Variants in IGFBP7 observed in about 807,000 individuals in gnomAD.
IGFBP7 encodes insulin-like growth factor-binding protein 7.
IGFBP7 carries 31 observed loss-of-function variants against 29.4 expected under a neutral mutation model. The observed-to-expected ratio is 1.05, with a 90% CI of 0.79 to 1.42. The LOEUF (loss-of-function observed/expected upper bound fraction) is 1.42. IGFBP7 is among the 40% of genes most tolerant of loss of function. The pLI is 0.00. For synonymous variants in IGFBP7, 172 were observed against 174.9 expected (o/e 0.98, Z 0.13); for missense variants, 393 against 395.5 (o/e 0.99, Z 0.05).
At chr4:57,049,171 C>A (rs998693080) in intron 1 of IGFBP7, among the ~76,000 whole-genome samples, 1 of 151,158 alleles carries the variant, frequency 6.6e-6, no homozygotes, top group Non-Finnish European at 1.5e-5. Flanking sequence ...AGGTATCACC[C>A]TTTACCCAGT....
intron 1 of IGFBP7, among the ~76,000 whole-genome samples, chr4:57,044,613 A>C (rs1045880072): frequency 2.0e-5 from 3 of 152,224 alleles, no homozygotes; most frequent in Non-Finnish European, 4.4e-5. Context: ...TGAAAAGACC[A>C]TCTTTTTCCT....
chr4:57,063,341 C>T (rs1312626969), intron 1 of IGFBP7, among the ~76,000 whole-genome samples: 2 of 152,180 alleles, frequency 1.3e-5, no homozygotes, highest in Admixed American at 1.3e-4. Context: ...TTGCTGCATA[C>T]CCCATTAGAT....
At chr4:57,053,953 G>A (rs1224165815) in intron 1 of IGFBP7, among the ~76,000 whole-genome samples, 1 of 152,150 alleles carries the variant, frequency 6.6e-6, no homozygotes, top group Non-Finnish European at 1.5e-5. Flanking sequence ...CCACGTGGAT[G>A]GTCACACCTG....
At chr4:57,108,016 C>T (rs1373410122) in intron 1 of IGFBP7, among the ~76,000 whole-genome samples, 1 of 152,166 alleles carries the variant, frequency 6.6e-6, no homozygotes, top group Non-Finnish European at 1.5e-5. Context: ...TATAAAGTTC[C>T]CCATTGTAAT....
Position 57,059,343 on chromosome 4 carries a change from C to T in IGFBP7, c.476-18410G>A, listed in dbSNP as rs116492175. 7.5e-3 allele frequency among the ~76,000 whole-genome samples: 1,143 copies of T among 152,216 alleles called. 18 individuals carry two copies. Among genetic ancestry groups the T allele is most frequent in the African/African-American group, 0.026 (1,083 of 41,526 alleles). On this transcript the variant is annotated intron_variant, in intron 1 of 4. Coordinates refer to ENST00000295666, the MANE Select transcript of IGFBP7 (RefSeq NM_001553.3). ...CACCATAGCAAAGACATGGGATCAA[C>T]GTAAATGCCCATCAATGACAGATCG...
intron 1 of IGFBP7, among the ~76,000 whole-genome samples, chr4:57,047,934 A>AT: frequency 6.6e-6 from 1 of 152,176 alleles, no homozygotes; most frequent in East Asian, 1.9e-4. Flanking sequence ...GGGTCTTGCC[A>AT]TGTTGGCCAG....
intron 1 of IGFBP7, among the ~76,000 whole-genome samples, chr4:57,100,992 A>G (rs1023929880): frequency 6.6e-6 from 1 of 152,206 alleles, no homozygotes; most frequent in Non-Finnish European, 1.5e-5. Flanking sequence ...GTCCTTAGCA[A>G]ACTGTCAAGT....
intron 1 of IGFBP7, among the ~76,000 whole-genome samples, chr4:57,066,645 C>A (rs1461963820): frequency 6.6e-6 from 1 of 151,278 alleles, no homozygotes; most frequent in Non-Finnish European, 1.5e-5. Context: ...CTTACTGCAA[C>A]CTCCGCCTCT....
chr4:57,068,410 A>C (rs1222146954), intron 1 of IGFBP7, among the ~76,000 whole-genome samples: 1 of 152,188 alleles, frequency 6.6e-6, no homozygotes, highest in Non-Finnish European at 1.5e-5. Context: ...ATGTGTAGAC[A>C]CAACACCCAA....
At position 57,031,339 on chromosome 4, in the gene IGFBP7, G is replaced by GC; in HGVS notation, c.830-4_830-3insG. ...GGTTTATAGCTCGGCACCTTCACCT[G>GC]TTTAAAAAAAAAAAAAGATAAAAAT... is the stretch of plus-strand genomic sequence containing the variant. On this transcript the variant is annotated splice_region_variant and splice_polypyrimidine_tract_variant and intron_variant, in intron 4 of 4. Coordinates refer to ENST00000295666, the MANE Select transcript of IGFBP7 (RefSeq NM_001553.3). 2 of 1,581,264 alleles carry GC rather than the reference G, an allele frequency of 1.3e-6. No homozygotes were observed. Among genetic ancestry groups the GC allele is most frequent in the Non-Finnish European group, 8.6e-7 (1 of 1,159,418 alleles).
At chr4:57,073,593 CAAAA>C (rs33959236) in intron 1 of IGFBP7, among the ~76,000 whole-genome samples, 1 of 148,366 alleles carries the variant, frequency 6.7e-6, no homozygotes, top group African/African-American at 2.5e-5. Context: ...GACCCTGACT[CAAAA>C]AAAAAAAAAT....
intron 1 of IGFBP7, among the ~76,000 whole-genome samples, chr4:57,085,610 G>A (rs191065319): frequency 4.7e-4 from 72 of 152,248 alleles, no homozygotes; most frequent in Admixed American, 2.2e-3. Flanking sequence ...GTTTGCAGAC[G>A]TGCTTTCATT....
intron 1 of IGFBP7, among the ~76,000 whole-genome samples, chr4:57,057,750 C>A (rs904376357): frequency 1.3e-5 from 2 of 152,142 alleles, no homozygotes; most frequent in Non-Finnish European, 2.9e-5. Flanking sequence ...CTGAACTTGG[C>A]TAAGGCAGCA....
At chr4:57,058,782 A>G (rs999960634) in intron 1 of IGFBP7, among the ~76,000 whole-genome samples, 1 of 152,266 alleles carries the variant, frequency 6.6e-6, no homozygotes, top group African/African-American at 2.4e-5. Flanking sequence ...TCTGCACAGC[A>G]AAAGAAACTA....
rs112756843 is a variant in IGFBP7, at chr4:57,032,937, C to T, written c.702+258G>A. 3.3e-3 allele frequency among the ~76,000 whole-genome samples: 497 copies of T among 152,284 alleles called. 2 individuals are homozygous for T. Among genetic ancestry groups the T allele is most frequent in the African/African-American group, 0.011 (469 of 41,558 alleles). On this transcript the variant is annotated intron_variant, in intron 3 of 4. Coordinates refer to ENST00000295666, the MANE Select transcript of IGFBP7 (RefSeq NM_001553.3). ...AAACAATGCTTGGGCCACGCAGCTC[C>T]GTGTGAGGATTTTGCTTTGAACTCT... is the stretch of plus-strand genomic sequence containing the variant.
intron 1 of IGFBP7, among the ~76,000 whole-genome samples, chr4:57,109,106 C>G (rs985854352): frequency 3.9e-5 from 6 of 152,004 alleles, no homozygotes; most frequent in African/African-American, 1.4e-4. Context: ...GTTTGAGAAC[C>G]TATAATTTTT....
intron 1 of IGFBP7, among the ~76,000 whole-genome samples, chr4:57,064,005 T>G (rs1290712523): frequency 6.6e-6 from 1 of 152,192 alleles, no homozygotes; most frequent in African/African-American, 2.4e-5. Context: ...AGTGGTCAGA[T>G]TTTTTAGTGG....
chr4:57,109,831 C>T lies in IGFBP7; in HGVS notation c.475+46G>A, dbSNP rs376934116. 3.3e-4 allele frequency: 507 copies of T among 1,518,262 alleles called. 2 individuals are homozygous for T. In the African/African-American group the frequency reaches 6.2e-3, roughly 18 times the overall value. 94.0% of individuals were successfully genotyped at this position (1,518,262 alleles called of 1,614,324 possible). A position where few individuals can be genotyped will look rare whatever the true frequency, so the allele number is the denominator to read the frequency against. On this transcript the variant is annotated intron_variant, in intron 1 of 4. Coordinates refer to ENST00000295666, the MANE Select transcript of IGFBP7 (RefSeq NM_001553.3). Reference sequence around the variant, plus strand: ...GACGCCCCGTCGGATGTGCCCTTCGCTGGGCCGAGCGGCGCAGGGTTGGAG... The same window carrying T: ...GACGCCCCGTCGGATGTGCCCTTCGTTGGGCCGAGCGGCGCAGGGTTGGAG...
chr4:57,065,918 C>T (rs1354921123), intron 1 of IGFBP7, among the ~76,000 whole-genome samples: 1 of 152,196 alleles, frequency 6.6e-6, no homozygotes, highest in Non-Finnish European at 1.5e-5. Flanking sequence ...CCAGAGGACT[C>T]TCAGGGTTGT....
Sources: gnomAD v4.1 joint callset for allele counts (sites outside exome capture counted in the v4.1 genomes callset) on GRCh38, gnomAD v4.1.1 for gene constraint, MANE v1.5 for transcripts, NCBI Gene and HGNC (gene_info 2026-07-23, HGNC 2026-07-21) for gene names.